Variants in HSD17B12 observed in about 807,000 individuals in gnomAD.
HSD17B12 encodes hydroxysteroid 17-beta dehydrogenase 12.
In HSD17B12, 32 loss-of-function variants were observed where a neutral mutation model predicts 39.3. That is an observed-to-expected ratio of 0.81 (90% CI 0.61 to 1.09). The LOEUF (loss-of-function observed/expected upper bound fraction) is 1.09. Among genes scored for constraint, HSD17B12 ranks in the 50% least tolerant of loss-of-function variants. The pLI is 0.00. For missense variants in HSD17B12, 342 were observed against 382.9 expected (o/e 0.89, Z 0.89); for synonymous variants, 150 against 146.7 (o/e 1.02, Z -0.16).
chr11:43,832,351 A>C (rs896309834), intron 7 of HSD17B12, among the ~76,000 whole-genome samples: 3 of 152,244 alleles, frequency 2.0e-5, no homozygotes, highest in African/African-American at 7.2e-5. Context: ...TATAAACCAC[A>C]GAGGTATTGT....
intron 1 of HSD17B12, among the ~76,000 whole-genome samples, chr11:43,729,175 G>T (rs940076622): frequency 2.6e-5 from 4 of 152,126 alleles, no homozygotes; most frequent in African/African-American, 9.7e-5. Context: ...GGCATAGAAA[G>T]TTATGACATT....
chr11:43,566,616 T>C, the HSD17B12 span, among the ~76,000 whole-genome samples: 1 of 151,758 alleles, frequency 6.6e-6, no homozygotes, highest in Non-Finnish European at 1.5e-5. Flanking sequence ...TGCAACCTCC[T>C]CCTCCCGGGT....
chr11:43,642,915 A>G, the HSD17B12 span, among the ~76,000 whole-genome samples: 1 of 151,996 alleles, frequency 6.6e-6, no homozygotes, highest in Non-Finnish European at 1.5e-5. Flanking sequence ...AGCTAAATGT[A>G]ATAGTAAGGG....
chr11:43,808,575 C>G, intron 4 of HSD17B12, among the ~76,000 whole-genome samples: 1 of 152,334 alleles, frequency 6.6e-6, no homozygotes, highest in East Asian at 1.9e-4. Flanking sequence ...CACCAGCTAA[C>G]ATTTAACTAC....
At chr11:43,650,625 T>A in the HSD17B12 span, among the ~76,000 whole-genome samples, 1 of 152,190 alleles carries the variant, frequency 6.6e-6, no homozygotes, top group African/African-American at 2.4e-5. Flanking sequence ...TACATAGGTC[T>A]CTAAAGGAGG....
At chr11:43,802,913 A>G (rs1950985275) in intron 4 of HSD17B12, among the ~76,000 whole-genome samples, 1 of 152,240 alleles carries the variant, frequency 6.6e-6, no homozygotes, top group African/African-American at 2.4e-5. Context: ...AATAAAAATC[A>G]TTATAGCTAA....
At chr11:43,688,953 G>C (rs1026746873) in intron 1 of HSD17B12, among the ~76,000 whole-genome samples, 2 of 152,110 alleles carry the variant, frequency 1.3e-5, no homozygotes, top group African/African-American at 4.8e-5. Flanking sequence ...TGTTTGTATA[G>C]ATTACTCTTA....
At chr11:43,575,681 T>G in the HSD17B12 span, among the ~76,000 whole-genome samples, 1 of 152,178 alleles carries the variant, frequency 6.6e-6, no homozygotes, top group Non-Finnish European at 1.5e-5. This position sits in a 1 kb window ranked among gnomAD's most constrained non-coding sequence, Gnocchi z 4.1. Flanking sequence ...AGCAGAAGCG[T>G]CTTCTCAGCT....
At chr11:43,690,384 A>ATTTTT (rs1565049652) in intron 1 of HSD17B12, among the ~76,000 whole-genome samples, 1 of 11,150 alleles carries the variant, frequency 9.0e-5, no homozygotes, top group Non-Finnish European at 2.1e-4. Flanking sequence ...ATATATATAT[A>ATTTTT]TATATATATA....
chr11:43,749,090 T>C (rs1950442347), intron 1 of HSD17B12, among the ~76,000 whole-genome samples: 1 of 152,126 alleles, frequency 6.6e-6, no homozygotes, highest in African/African-American at 2.4e-5. Context: ...CCTTATGAAG[T>C]ACTCCTACCA....
At chr11:43,807,373 G>C (rs1011557298) in intron 4 of HSD17B12, among the ~76,000 whole-genome samples, 1 of 152,152 alleles carries the variant, frequency 6.6e-6, no homozygotes, top group Non-Finnish European at 1.5e-5. Context: ...TTTCCAGGTG[G>C]AGGAAACGGC....
At chr11:43,567,426 C>A in the HSD17B12 span, among the ~76,000 whole-genome samples, 19 of 152,318 alleles carry the variant, frequency 1.2e-4, no homozygotes, top group African/African-American at 4.6e-4. Flanking sequence ...TACCTGAAAG[C>A]AGAACCGGGT....
the HSD17B12 span, among the ~76,000 whole-genome samples, chr11:43,629,273 TAGAC>T: frequency 6.6e-6 from 1 of 152,192 alleles, no homozygotes; most frequent in Non-Finnish European, 1.5e-5. Context: ...ATGAACAACT[TAGAC>T]AGACTTCTTG....
rs574290595 is a variant in HSD17B12, at chr11:43,854,452, T to C, written c.685-263T>C. 13 of 389,942 alleles carry C rather than the reference T, an allele frequency of 3.3e-5. No homozygotes were observed. In the South Asian group the frequency reaches 5.8e-4, roughly 17 times the overall value. The allele number at this position is 389,942 out of a possible 1,614,324, so 24.2% of individuals were successfully genotyped here. A position where few individuals can be genotyped will look rare whatever the true frequency, so the allele number is the denominator to read the frequency against. On this transcript the variant is annotated intron_variant, in intron 9 of 10. Coordinates refer to ENST00000278353, the MANE Select transcript of HSD17B12 (RefSeq NM_016142.3). ...ATTTAATGCTTTCCTTTTTAAAGGT[T>C]CAAAAAGGTAGATTTCTGCTTATTT...
chr11:43,720,169 C>T (rs751344519), intron 1 of HSD17B12, among the ~76,000 whole-genome samples: 40 of 152,154 alleles, frequency 2.6e-4, no homozygotes, highest in Admixed American at 9.8e-4. Flanking sequence ...TCAGATCTTT[C>T]GCCAGTTGTA....
the HSD17B12 span, among the ~76,000 whole-genome samples, chr11:43,590,506 A>ATGTTTTTTTTTTTTTTTTTTTT: frequency 1.9e-5 from 1 of 51,610 alleles, no homozygotes; most frequent in Non-Finnish European, 3.6e-5. Context: ...GGAGTGAGTG[A>ATGTTTTTTTTTTTTTTTTTTTT]TTTTTTTTTT....
At chr11:43,846,755 G>A (rs557548277) in intron 9 of HSD17B12, among the ~76,000 whole-genome samples, 1 of 152,264 alleles carries the variant, frequency 6.6e-6, no homozygotes, top group South Asian at 2.1e-4. Flanking sequence ...TTAGACCCTT[G>A]GCTAGACATC....
At chr11:43,851,656 C>T (rs537848712) in intron 9 of HSD17B12, among the ~76,000 whole-genome samples, 4 of 152,188 alleles carry the variant, frequency 2.6e-5, no homozygotes, top group East Asian at 3.9e-4. Context: ...TACTCTTCTT[C>T]GGTGCTGTCC....
the HSD17B12 span, among the ~76,000 whole-genome samples, chr11:43,619,618 C>T: frequency 3.9e-5 from 6 of 151,970 alleles, no homozygotes; most frequent in Non-Finnish European, 8.8e-5. Flanking sequence ...TCTCAAACTC[C>T]TGATTTTGGG....
Sources: allele counts gnomAD v4.1 joint callset (sites outside exome capture counted in the v4.1 genomes callset), GRCh38; gene constraint gnomAD v4.1.1; non-coding constraint Gnocchi (gnomAD v3.1); transcripts MANE v1.5; gene names NCBI Gene and HGNC (gene_info 2026-07-23, HGNC 2026-07-21).